Variants in TMTC2 observed in about 807,000 individuals in gnomAD.
The protein encoded by TMTC2 is protein O-mannosyl-transferase TMTC2.
TMTC2 carries 43 observed loss-of-function variants against 82.4 expected under a neutral mutation model. The observed-to-expected ratio is 0.52, with a 90% CI of 0.41 to 0.67. The LOEUF (loss-of-function observed/expected upper bound fraction) is 0.67, where lower values mean the gene tolerates loss of function less well. Among genes scored for constraint, TMTC2 ranks in the 30% least tolerant of loss-of-function variants. TMTC2 has a pLI of 0.00. For synonymous variants in TMTC2, 408 were observed against 381.9 expected (o/e 1.07, Z -0.80); for missense variants, 919 against 1,012.4 (o/e 0.91, Z 1.25).
intron 11 of TMTC2, among the ~76,000 whole-genome samples, chr12:83,076,535 G>A (rs1489760537): frequency 6.6e-6 from 1 of 152,154 alleles, no homozygotes; most frequent in African/African-American, 2.4e-5. Context: ...TACAGCTGAT[G>A]TAACCACACT....
At chr12:82,877,987 G>A (rs1476952838) in intron 2 of TMTC2, among the ~76,000 whole-genome samples, 8 of 152,164 alleles carry the variant, frequency 5.3e-5, no homozygotes, top group Admixed American at 4.6e-4. Context: ...TTTTGTATAA[G>A]TACACAGACA....
At chr12:82,903,185 G>T (rs200991148) in intron 3 of TMTC2, among the ~76,000 whole-genome samples, 1 of 152,084 alleles carries the variant, frequency 6.6e-6, no homozygotes, top group African/African-American at 2.4e-5. Context: ...TTATCAGTAA[G>T]GTGCTTTATG....
intron 1 of TMTC2, among the ~76,000 whole-genome samples, chr12:82,819,658 C>T (rs1868970652): frequency 6.6e-6 from 1 of 151,930 alleles, no homozygotes. Flanking sequence ...CCTGCCACCA[C>T]ACCCAGCTAA....
intron 11 of TMTC2, among the ~76,000 whole-genome samples, chr12:83,122,691 G>A (rs1400162801): frequency 6.6e-6 from 1 of 152,254 alleles, no homozygotes; most frequent in South Asian, 2.1e-4. Flanking sequence ...CGTGTCCTGC[G>A]GGAGCATTCC....
chr12:82,880,337 A>G (rs1592597396), intron 2 of TMTC2, among the ~76,000 whole-genome samples: 1 of 152,318 alleles, frequency 6.6e-6, no homozygotes, highest in South Asian at 2.1e-4. Context: ...TTATAGCACA[A>G]TGTTAAGACT....
chr12:82,767,722 T>G (rs1027522243), intron 1 of TMTC2, among the ~76,000 whole-genome samples: 3 of 152,242 alleles, frequency 2.0e-5, no homozygotes, highest in Non-Finnish European at 2.9e-5. Context: ...TTTTTGTCTT[T>G]TCTTTGGTAC....
intron 4 of TMTC2, among the ~76,000 whole-genome samples, chr12:82,943,154 A>G (rs1876816368): frequency 6.6e-6 from 1 of 152,198 alleles, no homozygotes; most frequent in Admixed American, 6.5e-5. Flanking sequence ...ATATTGTCAT[A>G]GGTACTAGAA....
chr12:82,707,970 C>T (rs997481358), intron 1 of TMTC2, among the ~76,000 whole-genome samples: 35 of 152,136 alleles, frequency 2.3e-4, no homozygotes, highest in African/African-American at 6.8e-4. Context: ...TATAGATATG[C>T]GTGCACAAGC....
At chr12:82,984,033 A>G (rs1338460168) in intron 7 of TMTC2, among the ~76,000 whole-genome samples, 1 of 152,088 alleles carries the variant, frequency 6.6e-6, no homozygotes, top group East Asian at 1.9e-4. Context: ...TAAAAACAAA[A>G]TTATTATAGA....
chr12:82,699,599 C>T (rs376188305), intron 1 of TMTC2, among the ~76,000 whole-genome samples: 28 of 152,082 alleles, frequency 1.8e-4, no homozygotes, highest in Non-Finnish European at 4.4e-5. Context: ...TTTCCTGCAC[C>T]GACGTGTTTG....
intron 11 of TMTC2, among the ~76,000 whole-genome samples, chr12:83,108,349 C>T (rs1391021301): frequency 6.6e-6 from 1 of 152,002 alleles, no homozygotes; most frequent in Non-Finnish European, 1.5e-5. Context: ...TAGCTAGCCA[C>T]CGAAGTACAG....
intron 1 of TMTC2, among the ~76,000 whole-genome samples, chr12:82,843,236 G>T (rs758629750): frequency 6.6e-6 from 1 of 151,938 alleles, no homozygotes. Flanking sequence ...ACAGGTGCCC[G>T]CCACCACGCC....
intron 11 of TMTC2, among the ~76,000 whole-genome samples, chr12:83,089,870 T>C (rs1883788192): frequency 6.6e-6 from 1 of 151,558 alleles, no homozygotes. Flanking sequence ...ACTATTTTAA[T>C]CTCATTTTTG....
chr12:82,721,404 G>GT (rs910515769), intron 1 of TMTC2, among the ~76,000 whole-genome samples: 12 of 151,942 alleles, frequency 7.9e-5, no homozygotes, highest in African/African-American at 2.9e-4. Flanking sequence ...AGTTTAAATT[G>GT]TTTTTTTAAT....
At chr12:82,830,153 A>G (rs763935492) in intron 1 of TMTC2, among the ~76,000 whole-genome samples, 1 of 152,170 alleles carries the variant, frequency 6.6e-6, no homozygotes, top group Non-Finnish European at 1.5e-5. Flanking sequence ...TTTAAGGGGA[A>G]TTTGTTTGGA....
chr12:82,756,066 A>G (rs1374421416), intron 1 of TMTC2, among the ~76,000 whole-genome samples: 1 of 152,160 alleles, frequency 6.6e-6, no homozygotes, highest in Admixed American at 6.5e-5. Context: ...AATAATTTGT[A>G]GTTACCTGTT....
At chr12:82,727,956 ACT>A (rs371464882) in intron 1 of TMTC2, among the ~76,000 whole-genome samples, 28 of 151,726 alleles carry the variant, frequency 1.8e-4, no homozygotes, top group African/African-American at 5.8e-4. Context: ...TCCTTTTAAC[ACT>A]CTTGAGGTAT....
rs180811348 is a variant in TMTC2, at chr12:82,903,710, G to A, written c.1483+7064G>A. ...TTACAGGCGTGAGCCACCGCGCCCCGCCGATATTTTTACATTTTAAAAAAT... is the reference window on the plus strand; with the variant it reads ...TTACAGGCGTGAGCCACCGCGCCCCACCGATATTTTTACATTTTAAAAAAT... On this transcript the variant is annotated intron_variant, in intron 3 of 11. Coordinates refer to ENST00000321196, the MANE Select transcript of TMTC2 (RefSeq NM_152588.3). Among the ~76,000 whole-genome samples, 19 of 152,320 alleles carry A rather than the reference G, an allele frequency of 1.2e-4. No individual in the cohort carries two copies. The East Asian group carries it at 2.9e-3, about 23-fold the overall frequency.
chr12:82,839,546 A>G (rs915825427), intron 1 of TMTC2, among the ~76,000 whole-genome samples: 6 of 152,212 alleles, frequency 3.9e-5, no homozygotes, highest in African/African-American at 1.4e-4. Context: ...AAGATACAAG[A>G]GGTTTCACAT....
Sources: gnomAD v4.1 joint callset for allele counts (sites outside exome capture counted in the v4.1 genomes callset) on GRCh38, gnomAD v4.1.1 for gene constraint, MANE v1.5 for transcripts, NCBI Gene and HGNC (gene_info 2026-07-23, HGNC 2026-07-21) for gene names.